Variants in ADAMTS19 observed in about 807,000 individuals in gnomAD.
The protein encoded by ADAMTS19 is A disintegrin and metalloproteinase with thrombospondin motifs 19.
A neutral mutation model predicts 153.3 loss-of-function variants in ADAMTS19; 93 were observed. That is an observed-to-expected ratio of 0.61 (90% CI 0.51 to 0.72). ADAMTS19 has a LOEUF of 0.72. ADAMTS19 is among the 30% of genes least tolerant of loss of function. The pLI is 0.00. For synonymous variants in ADAMTS19, 600 were observed against 556.6 expected, an observed-to-expected ratio of 1.08 and a Z score of -1.10; for missense variants, 1,482 against 1,552.1, an observed-to-expected ratio of 0.95 and a Z score of 0.76.
chr5:129,720,315 G>T (rs1756942814), intron 21 of ADAMTS19, among the ~76,000 whole-genome samples: 1 of 151,648 alleles, frequency 6.6e-6, no homozygotes, highest in African/African-American at 2.4e-5. Flanking sequence ...AGGATTAAAG[G>T]TGTCCGCCAC....
intron 8 of ADAMTS19, among the ~76,000 whole-genome samples, chr5:129,605,178 C>T (rs926664442): frequency 2.6e-5 from 4 of 152,160 alleles, no homozygotes; most frequent in African/African-American, 9.7e-5. Context: ...AAATTAGATT[C>T]AGGGAGATTC....
At chr5:129,468,774 C>CTTA (rs566278908) in intron 2 of ADAMTS19, among the ~76,000 whole-genome samples, 8 of 151,548 alleles carry the variant, frequency 5.3e-5, no homozygotes, top group South Asian at 2.1e-4. Context: ...ATATCTTTTA[C>CTTA]TTATTATTAT....
At chr5:129,603,404 T>A (rs1750755427) in intron 8 of ADAMTS19, among the ~76,000 whole-genome samples, 1 of 152,220 alleles carries the variant, frequency 6.6e-6, no homozygotes, top group Admixed American at 6.5e-5. Context: ...GTACAAATAT[T>A]TAGTGGTGTC....
intron 21 of ADAMTS19, among the ~76,000 whole-genome samples, chr5:129,730,652 C>T (rs1379498828): frequency 1.3e-5 from 2 of 151,956 alleles, no homozygotes; most frequent in Non-Finnish European, 2.9e-5. Context: ...TACTTTTGGC[C>T]AGTAATTTCC....
chr5:129,571,867 A>C (rs1390937411), intron 7 of ADAMTS19, among the ~76,000 whole-genome samples: 1 of 151,842 alleles, frequency 6.6e-6, no homozygotes, highest in Non-Finnish European at 1.5e-5. Context: ...AATAGGGGCC[A>C]ATTGATTTTC....
intron 2 of ADAMTS19, among the ~76,000 whole-genome samples, chr5:129,496,091 C>CAAA (rs1750921386): frequency 6.6e-6 from 1 of 152,034 alleles, no homozygotes; most frequent in African/African-American, 2.4e-5. Context: ...TTTGTTGGTA[C>CAAA]AAAGTACATT....
chr5:129,540,048 T>C (rs1263799959), intron 6 of ADAMTS19, among the ~76,000 whole-genome samples: 1 of 152,124 alleles, frequency 6.6e-6, no homozygotes, highest in Non-Finnish European at 1.5e-5. Context: ...CTATTTAGCT[T>C]TGTAAGAAAG....
rs755839882 is a variant in ADAMTS19, at chr5:129,665,579, G to A, written c.2506G>A (p.Ala836Thr). 1 of 1,606,818 alleles carries A rather than the reference G, an allele frequency of 6.2e-7. No homozygotes were observed. The highest frequency in any genetic ancestry group is 8.5e-7 in the Non-Finnish European group (1 of 1,175,154). ...GGAAAAGCCGGCACATAGCTATTTA[G>A]GTAACCTGTGTTACAGACACAGAGA... ...VEEKPAHSYL[A>T]LRDAGKQSIN... The change falls in exon 16 of 23, where the codon GCT becomes ACT. Residue 836 changes from alanine (A) to threonine (T), a missense_variant and splice_region_variant. This residue lies in a region of ADAMTS19 where 616 missense variants were observed against 724.4 expected (regional missense o/e 0.85). Transcript: ENST00000274487.
At chr5:129,639,686 C>T (rs181930554) in intron 10 of ADAMTS19, among the ~76,000 whole-genome samples, 16 of 150,996 alleles carry the variant, frequency 1.1e-4, no homozygotes, top group Admixed American at 9.9e-4. Flanking sequence ...GTTCAGTATG[C>T]ATTGGTTAAC....
At chr5:129,527,710 A>C (rs751371282) in intron 4 of ADAMTS19, 38 bp from the exon 5 acceptor site, 1 of 1,211,120 alleles carries the variant, frequency 8.3e-7, no homozygotes, top group East Asian at 2.6e-5. Flanking sequence ...GATGATTTTC[A>C]GTTTAATTTT....
chr5:129,520,543 G>T (rs1175450944), intron 3 of ADAMTS19, among the ~76,000 whole-genome samples: 1 of 152,064 alleles, frequency 6.6e-6, no homozygotes, highest in Non-Finnish European at 1.5e-5. Context: ...GATAAACAAT[G>T]TTTGTAAACA....
At chr5:129,700,311 T>C (rs1196819314) in intron 19 of ADAMTS19, among the ~76,000 whole-genome samples, 2 of 152,210 alleles carry the variant, frequency 1.3e-5, no homozygotes, top group East Asian at 3.8e-4. Flanking sequence ...ATGTTAAGTT[T>C]AGCCCTGAGT....
chr5:129,615,542 A>C (rs2126965778), intron 8 of ADAMTS19, among the ~76,000 whole-genome samples: 1 of 152,122 alleles, frequency 6.6e-6, no homozygotes. Context: ...TTCTGATGCA[A>C]GTGGTTCATT....
At chr5:129,669,931 T>C (rs1358016767) in intron 16 of ADAMTS19, among the ~76,000 whole-genome samples, 1 of 152,114 alleles carries the variant, frequency 6.6e-6, no homozygotes, top group Non-Finnish European at 1.5e-5. Flanking sequence ...AGAGAAGATA[T>C]TTTGTATGAT....
In ADAMTS19 at chr5:129,589,746, A is replaced by C. The variant is rs535884383; in HGVS notation, c.1373-6813A>C. Among the ~76,000 whole-genome samples, 7 of 152,164 alleles carry C rather than the reference A, an allele frequency of 4.6e-5. No individual in the cohort carries two copies. In the East Asian group the frequency reaches 1.4e-3, roughly 29 times the overall value. ...ATCTGTGGTCTGTCTCTTCACAGGG[A>C]AACATTTCTTTACTTGGTTTGTAAT... On this transcript the variant is annotated intron_variant, in intron 7 of 22. Coordinates refer to ENST00000274487, the MANE Select transcript of ADAMTS19 (RefSeq NM_133638.6).
At chr5:129,650,690 C>G (rs944980595) in intron 13 of ADAMTS19, among the ~76,000 whole-genome samples, 2 of 152,138 alleles carry the variant, frequency 1.3e-5, no homozygotes, top group African/African-American at 4.8e-5. Context: ...CCCACTTTCT[C>G]TCATATAGTT....
intron 2 of ADAMTS19, among the ~76,000 whole-genome samples, chr5:129,491,027 C>T (rs940377563): frequency 6.6e-6 from 1 of 152,082 alleles, no homozygotes; most frequent in Admixed American, 6.5e-5. Context: ...GATGGAGTCT[C>T]GCTCTGTTGC....
At chr5:129,548,433 C>G (rs1293931452) in intron 6 of ADAMTS19, among the ~76,000 whole-genome samples, 1 of 151,988 alleles carries the variant, frequency 6.6e-6, no homozygotes, top group Non-Finnish European at 1.5e-5. Flanking sequence ...AAATGCTCAT[C>G]ATCACTGGCC....
chr5:129,556,317 T>C (rs1473470267), intron 7 of ADAMTS19, among the ~76,000 whole-genome samples: 1 of 152,232 alleles, frequency 6.6e-6, no homozygotes, highest in Non-Finnish European at 1.5e-5. Context: ...ACCAGGGTTG[T>C]CAGAATTTAA....
Sources: allele counts gnomAD v4.1 joint callset (sites outside exome capture counted in the v4.1 genomes callset), GRCh38; gene constraint gnomAD v4.1.1; regional missense constraint gnomAD v4.1.1; transcripts MANE v1.5; gene names NCBI Gene and HGNC (gene_info 2026-07-23, HGNC 2026-07-21).